Variants in KHDRBS2 observed in about 807,000 individuals in gnomAD.
KHDRBS2 encodes the protein KH domain-containing, RNA-binding, signal transduction-associated protein 2.
In KHDRBS2, 26 loss-of-function variants were observed where a neutral mutation model predicts 44.3. The observed-to-expected ratio is 0.59, with a 90% CI of 0.43 to 0.81. The LOEUF (loss-of-function observed/expected upper bound fraction) is 0.81. KHDRBS2 is among the 40% of genes least tolerant of loss of function. The pLI, the probability that KHDRBS2 is intolerant of heterozygous loss-of-function variation, is 0.00. For synonymous variants in KHDRBS2, 194 were observed against 151.1 expected (o/e 1.28, Z -2.08); for missense variants, 476 against 433.1 (o/e 1.10, Z -0.88).
intron 6 of KHDRBS2, among the ~76,000 whole-genome samples, chr6:61,748,642 C>T (rs1777201350): frequency 6.6e-6 from 1 of 152,124 alleles, no homozygotes; most frequent in Admixed American, 6.5e-5. Flanking sequence ...TATCAGTTTG[C>T]CATACAGAGA....
At chr6:62,040,865 T>C (rs957970310) in intron 3 of KHDRBS2, among the ~76,000 whole-genome samples, 2 of 152,112 alleles carry the variant, frequency 1.3e-5, no homozygotes, top group African/African-American at 4.8e-5. Context: ...TCACTGAAAC[T>C]ATCCAGATTC....
rs1381007789 is a variant in KHDRBS2, at chr6:61,745,315, C to A, written c.811-12551G>T. Among the ~76,000 whole-genome samples the A allele has an allele frequency of 2.0e-5, 3 of 152,058 alleles. No homozygotes were observed. In the East Asian group the frequency reaches 5.8e-4, roughly 29 times the overall value. On this transcript the variant is annotated intron_variant, in intron 6 of 8. Transcript: ENST00000281156. ...AAAATATTCGGTTGTCAGTAGGTTT[C>A]CTTCGACTCCCATTTTTTAAAATGC...
intron 4 of KHDRBS2, among the ~76,000 whole-genome samples, chr6:61,937,980 T>C (rs925884455): frequency 1.4e-4 from 22 of 152,168 alleles, no homozygotes; most frequent in Middle Eastern, 3.4e-3. Flanking sequence ...ATAGGAGTTG[T>C]TTCTTAGGTC....
chr6:61,662,124 C>G, the KHDRBS2 span, among the ~76,000 whole-genome samples: 2 of 151,934 alleles, frequency 1.3e-5, no homozygotes, highest in South Asian at 2.1e-4. Context: ...CTTTGACAAA[C>G]CTGAGAAAAA....
downstream of KHDRBS2, among the ~76,000 whole-genome samples, chr6:61,676,269 G>A (rs976712028): frequency 1.3e-5 from 2 of 151,806 alleles, no homozygotes; most frequent in African/African-American, 4.8e-5. Flanking sequence ...AGTGAGGCAA[G>A]TTATGACTTG....
At chr6:62,188,412 T>C (rs1369065911) in intron 1 of KHDRBS2, among the ~76,000 whole-genome samples, 1 of 152,128 alleles carries the variant, frequency 6.6e-6, no homozygotes, top group Admixed American at 6.6e-5. Flanking sequence ...GCGATTGTCC[T>C]TCTGTGACAC....
chr6:61,584,180 C>A, the KHDRBS2 span, among the ~76,000 whole-genome samples: 2 of 151,788 alleles, frequency 1.3e-5, no homozygotes, highest in South Asian at 2.1e-4. Flanking sequence ...CTTAGTATTT[C>A]TTTTCCAATC....
intron 1 of KHDRBS2, among the ~76,000 whole-genome samples, chr6:62,187,298 C>T (rs185358824): frequency 4.7e-4 from 72 of 152,076 alleles, no homozygotes; most frequent in African/African-American, 1.7e-3. Context: ...ATAATAAAGC[C>T]CAGGTTCTGA....
Position 62,234,991 on chromosome 6 carries a change from A to C in KHDRBS2, c.91+50867T>G, listed in dbSNP as rs573472362. On this transcript the variant is annotated intron_variant, in intron 1 of 8. Coordinates refer to ENST00000281156, the MANE Select transcript of KHDRBS2 (RefSeq NM_152688.4). ...TTAAGTGGTTTTATTCATGATAAAAAATGAATAAAAATTCCCAAAACTTAT... is the reference window on the plus strand; with the variant it reads ...TTAAGTGGTTTTATTCATGATAAAACATGAATAAAAATTCCCAAAACTTAT... 5.3e-5 allele frequency among the ~76,000 whole-genome samples: 8 copies of C among 152,056 alleles called. 1 individual carries two copies. The highest frequency in any genetic ancestry group is 3.3e-4 in the Admixed American group (5 of 15,264).
chr6:62,263,995 A>T (rs771303707), intron 1 of KHDRBS2, among the ~76,000 whole-genome samples: 1 of 151,786 alleles, frequency 6.6e-6, no homozygotes, highest in African/African-American at 2.4e-5. Context: ...CAAAATGCAG[A>T]GTCAGGTACA....
the KHDRBS2 span, among the ~76,000 whole-genome samples, chr6:61,597,732 TTATATATATATATA>T: frequency 2.5e-3 from 92 of 37,424 alleles, 9 homozygotes; most frequent in East Asian, 5.0e-3. Context: ...TTTGCACCTT[TTATATATATATATA>T]TATATATATA....
At chr6:61,709,720 C>T (rs1292927693) in intron 7 of KHDRBS2, among the ~76,000 whole-genome samples, 1 of 151,452 alleles carries the variant, frequency 6.6e-6, no homozygotes, top group Non-Finnish European at 1.5e-5. Context: ...TAATGCTTTC[C>T]ACTGACTAAT....
chr6:62,111,845 G>T (rs1275411283), intron 2 of KHDRBS2, among the ~76,000 whole-genome samples: 2 of 151,994 alleles, frequency 1.3e-5, no homozygotes, highest in African/African-American at 4.8e-5. Context: ...TCATACCATT[G>T]AACTCCCGCC....
chr6:61,654,987 C>T, the KHDRBS2 span, among the ~76,000 whole-genome samples: 1 of 151,714 alleles, frequency 6.6e-6, no homozygotes, highest in African/African-American at 2.4e-5. Flanking sequence ...TGGCAGAAGC[C>T]AGTTGCAAGC....
At chr6:61,546,943 G>A in the KHDRBS2 span, among the ~76,000 whole-genome samples, 15 of 152,052 alleles carry the variant, frequency 9.9e-5, no homozygotes, top group African/African-American at 3.1e-4. Context: ...AAGGGTGACT[G>A]GACCCTATTC....
At chr6:62,272,624 G>GA (rs1180843875) in intron 1 of KHDRBS2, among the ~76,000 whole-genome samples, 2 of 151,916 alleles carry the variant, frequency 1.3e-5, no homozygotes, top group Non-Finnish European at 2.9e-5. Context: ...AAATACAAAG[G>GA]AAAAAAGTAT....
intron 6 of KHDRBS2, among the ~76,000 whole-genome samples, chr6:61,840,954 A>G (rs1793509649): frequency 6.6e-6 from 1 of 152,116 alleles, no homozygotes; most frequent in Non-Finnish European, 1.5e-5. Context: ...CAACTGTTTC[A>G]TGTGTTTTTA....
intron 3 of KHDRBS2, among the ~76,000 whole-genome samples, chr6:62,029,188 T>C (rs1311842466): frequency 6.6e-6 from 1 of 152,022 alleles, no homozygotes. Flanking sequence ...TAGCATATAC[T>C]TTAACAATGT....
intron 4 of KHDRBS2, among the ~76,000 whole-genome samples, chr6:61,934,761 A>T (rs1397343386): frequency 3.9e-5 from 6 of 152,272 alleles, no homozygotes; most frequent in African/African-American, 1.2e-4. Context: ...GGGTAACAGG[A>T]ACTTGCAGTT....
Sources: allele counts gnomAD v4.1 joint callset (sites outside exome capture counted in the v4.1 genomes callset), GRCh38; gene constraint gnomAD v4.1.1; transcripts MANE v1.5; gene names NCBI Gene and HGNC (gene_info 2026-07-23, HGNC 2026-07-21).